Variants in TPRG1 observed in about 807,000 individuals in gnomAD.
The protein encoded by TPRG1 is tumor protein p63-regulated gene 1 protein.
TPRG1 carries 29 observed loss-of-function variants against 29.3 expected under a neutral mutation model. That is an observed-to-expected ratio of 0.99 (90% CI 0.74 to 1.35). The LOEUF is 1.35. Among genes scored for constraint, TPRG1 ranks in the 40% most tolerant of loss-of-function variants. The pLI, the probability that TPRG1 is intolerant of heterozygous loss-of-function variation, is 0.00. For missense variants in TPRG1, 327 were observed against 335.0 expected (o/e 0.98, Z 0.19); for synonymous variants, 130 against 116.8 (o/e 1.11, Z -0.73).
chr3:189,187,770 T>G (rs997685993), intron 1 of TPRG1, among the ~76,000 whole-genome samples: 8 of 152,230 alleles, frequency 5.3e-5, no homozygotes, highest in Admixed American at 2.0e-4. Flanking sequence ...TCCAAAGCTT[T>G]CTCTAATATG....
intron 2 of TPRG1, among the ~76,000 whole-genome samples, chr3:189,004,046 G>A (rs1206174304): frequency 6.6e-6 from 1 of 152,094 alleles, no homozygotes; most frequent in Admixed American, 6.6e-5. Flanking sequence ...GAATCCGACA[G>A]AGAAAACTGA....
intron 4 of TPRG1, among the ~76,000 whole-genome samples, chr3:189,300,720 C>A (rs1392458379): frequency 6.6e-6 from 1 of 152,184 alleles, no homozygotes; most frequent in Non-Finnish European, 1.5e-5. Context: ...TATTCCTGGT[C>A]CAGACCTAGA....
At chr3:189,101,602 G>C (rs1719211658) in intron 1 of TPRG1, among the ~76,000 whole-genome samples, 1 of 151,720 alleles carries the variant, frequency 6.6e-6, no homozygotes, top group Non-Finnish European at 1.5e-5. Context: ...TCAATATTCG[G>C]GACCATCCAA....
intron 3 of TPRG1, among the ~76,000 whole-genome samples, chr3:189,226,885 C>T (rs1420039008): frequency 6.6e-6 from 1 of 150,958 alleles, no homozygotes; most frequent in Non-Finnish European, 1.5e-5. Context: ...CATATCACTA[C>T]AGATGCTGCA....
intron 4 of TPRG1, among the ~76,000 whole-genome samples, chr3:189,084,743 A>G (rs1054392773): frequency 1.3e-5 from 2 of 152,150 alleles, no homozygotes; most frequent in African/African-American, 4.8e-5. Context: ...TTGTAAACCT[A>G]TGTTTCCTGT....
chr3:189,216,332 G>A (rs1441866947), intron 3 of TPRG1, among the ~76,000 whole-genome samples: 2 of 152,146 alleles, frequency 1.3e-5, no homozygotes, highest in East Asian at 1.9e-4. Context: ...GTTAGACTAA[G>A]TTTCAGGAGG....
intron 3 of TPRG1, among the ~76,000 whole-genome samples, chr3:189,146,047 G>A (rs1029934470): frequency 3.3e-5 from 5 of 152,176 alleles, no homozygotes; most frequent in African/African-American, 4.8e-5. Flanking sequence ...TAAAAAGGGA[G>A]ACAATCTGGA....
intron 4 of TPRG1, among the ~76,000 whole-genome samples, chr3:189,028,929 C>T (rs933395307): frequency 5.9e-5 from 9 of 151,448 alleles, no homozygotes; most frequent in Non-Finnish European, 1.3e-4. Flanking sequence ...CCAAGTGTCT[C>T]GAAATAAAGG....
rs188110578 is a variant in TPRG1 at position 189,143,167 on chromosome 3, T to A, written c.-290-4417T>A. Reference sequence around the variant, plus strand: ...TGCAATTTTTAGGATCATCTTTTTTTTATATAGGATTTTACATTTTCCAAA... The same window carrying A: ...TGCAATTTTTAGGATCATCTTTTTTATATATAGGATTTTACATTTTCCAAA... On this transcript the variant is annotated intron_variant, in intron 3 of 6. Transcript: ENST00000412373. Among the ~76,000 whole-genome samples the A allele has an allele frequency of 8.3e-4, 126 of 152,182 alleles. 1 individual carries two copies. The highest frequency in any genetic ancestry group is 2.4e-4 in the Non-Finnish European group (16 of 68,000).
chr3:189,033,911 A>G (rs1221353895), intron 4 of TPRG1, among the ~76,000 whole-genome samples: 1 of 152,226 alleles, frequency 6.6e-6, no homozygotes, highest in Non-Finnish European at 1.5e-5. Context: ...GTATAGAGTA[A>G]TTTATGCCAT....
intron 1 of TPRG1, among the ~76,000 whole-genome samples, chr3:189,172,719 T>C (rs1728973775): frequency 6.6e-6 from 1 of 152,316 alleles, no homozygotes; most frequent in Non-Finnish European, 1.5e-5. Flanking sequence ...CAGGGCTGTT[T>C]TTAGAGAACA....
Position 189,019,716 on chromosome 3 carries a change from A to G in TPRG1, c.-659-4034A>G, listed in dbSNP as rs539677737. ...CTCTTTTTTGGTTGTGTCTCTGCCC[A>G]GCTTTGGTATCAGAATGATGCTGGC... On this transcript the variant is annotated intron_variant, in intron 3 of 10. Transcript: ENST00000433971. Among the ~76,000 whole-genome samples the G allele has an allele frequency of 2.5e-3, 375 of 151,622 alleles. 3 individuals are homozygous for G. The highest frequency in any genetic ancestry group is 8.1e-3 in the African/African-American group (333 of 41,292).
intron 4 of TPRG1, among the ~76,000 whole-genome samples, chr3:189,297,948 G>A (rs1048057470): frequency 1.4e-4 from 21 of 152,248 alleles, no homozygotes; most frequent in African/African-American, 5.1e-4. Flanking sequence ...AGGATCCCAG[G>A]TCTCCGTCTG....
At chr3:189,217,314 C>G (rs1310178256) in intron 3 of TPRG1, among the ~76,000 whole-genome samples, 1 of 152,166 alleles carries the variant, frequency 6.6e-6, no homozygotes, top group Admixed American at 6.5e-5. Context: ...ATAGGAAGCT[C>G]AAAAGTTGGT....
chr3:189,218,017 A>G, intron 3 of TPRG1: 1 of 985,452 alleles, frequency 1.0e-6, no homozygotes. Flanking sequence ...AGAGCTTGCA[A>G]TTACTCCTGG....
intron 4 of TPRG1, among the ~76,000 whole-genome samples, chr3:189,050,412 G>A (rs981673313): frequency 9.2e-5 from 14 of 152,094 alleles, no homozygotes; most frequent in African/African-American, 3.1e-4. Context: ...TGAACAGACC[G>A]ATAACAAGCA....
chr3:189,214,975 T>TATATAATTTAAATTA (rs1553923942), intron 2 of TPRG1, among the ~76,000 whole-genome samples: 1 of 132,060 alleles, frequency 7.6e-6, no homozygotes, highest in African/African-American at 2.9e-5. Flanking sequence ...AATGTACAGA[T>TATATAATTTAAATTA]TCCTAAAGGC....
At chr3:189,116,337 C>G (rs575775871) in intron 1 of TPRG1, among the ~76,000 whole-genome samples, 1 of 151,946 alleles carries the variant, frequency 6.6e-6, no homozygotes, top group Non-Finnish European at 1.5e-5. Context: ...CCACCATGCC[C>G]GGCTAATTTT....
intron 3 of TPRG1, among the ~76,000 whole-genome samples, chr3:189,005,705 A>G (rs1297940336): frequency 1.3e-5 from 2 of 152,230 alleles, no homozygotes; most frequent in South Asian, 2.1e-4. Context: ...GGAAATTCCC[A>G]TTATATACCA....
Sources: gnomAD v4.1 joint callset for allele counts (sites outside exome capture counted in the v4.1 genomes callset) on GRCh38, gnomAD v4.1.1 for gene constraint, MANE v1.5 for transcripts, NCBI Gene and HGNC (gene_info 2026-07-23, HGNC 2026-07-21) for gene names.